The following CFAP57 variants were observed in gnomAD, a reference collection of about 807,000 sequenced individuals.
CFAP57 encodes cilia- and flagella-associated protein 57.
A neutral mutation model predicts 146.8 loss-of-function variants in CFAP57; 116 were observed. The ratio of observed to expected loss-of-function variants is 0.79; its 90% CI spans 0.68 to 0.92. The LOEUF (loss-of-function observed/expected upper bound fraction) is 0.92, where lower values mean the gene tolerates loss of function less well. Among genes scored for constraint, CFAP57 ranks in the 40% least tolerant of loss-of-function variants. The pLI is 0.00. For synonymous variants in CFAP57, 518 were observed against 552.8 expected, an observed-to-expected ratio of 0.94 and a Z score of 0.88; for missense variants, 1,377 against 1,527.2, an observed-to-expected ratio of 0.90 and a Z score of 1.64.
intron 21 of CFAP57, 54 bp from the exon 22 acceptor site, chr1:43,243,173 G>A: frequency 6.5e-7 from 1 of 1,538,450 alleles, no homozygotes; most frequent in Non-Finnish European, 8.8e-7. Context: ...TATGCCTTGT[G>A]CCCACTGACC....
At chr1:43,184,000 C>T in intron 4 of CFAP57, 123 bp downstream of exon 4, 1 of 1,155,196 alleles carries the variant, frequency 8.7e-7, no homozygotes. Context: ...TGCCCATTTT[C>T]CCTCTTCCTC....
At position 43,243,284 on chromosome 1, in the gene CFAP57, C is replaced by G. The variant is rs1164534145; in HGVS notation, c.3463C>G (p.Arg1155Gly). Residue 1155 changes from arginine (R) to glycine (G), a missense_variant, in exon 22 of 23, where the codon CGG (arginine) becomes GGG (glycine). Coordinates refer to ENST00000372492, the MANE Select transcript of CFAP57 (RefSeq NM_001378189.1). ...GCTCCGCAGGGAGCTGAAGTTCACT[C>G]GGTCCCAAGTCTATGACCTTGAAGC... ...NELRRELKFT[R>G]SQVYDLEAAL... 6.5e-7 allele frequency: 1 copy of G among 1,550,044 alleles called. No homozygotes were observed. The highest frequency in any genetic ancestry group is 8.7e-7 in the Non-Finnish European group (1 of 1,146,656).
intron 18 of CFAP57, among the ~76,000 whole-genome samples, chr1:43,230,829 T>A (rs1429933116): frequency 6.6e-6 from 1 of 152,220 alleles, no homozygotes; most frequent in African/African-American, 2.4e-5. Context: ...TTTACTTCTT[T>A]CTTATCCTTG....
rs1377413286 is a variant in CFAP57, at chr1:43,199,501, A to G, written c.1540A>G (p.Lys514Glu). The G allele has an allele frequency of 6.2e-7, 1 of 1,614,030 alleles. No homozygotes were observed. Among genetic ancestry groups the G allele is most frequent in the Non-Finnish European group, 8.5e-7 (1 of 1,180,012 alleles). ...NISSLKGHTG[K>E]IRSIVWNADD... ...CTCAAGCCTGAAAGGACACACAGGG[A>G]AGGTAAGTGAGTGAACAGTCTCTGG... The change falls in exon 9 of 23, where the codon AAG (lysine) becomes GAG (glutamate). Residue 514 changes from lysine to glutamate, a missense_variant and splice_region_variant. Transcript: ENST00000372492.
chr1:43,237,515 T>A (rs1022475325), intron 21 of CFAP57, among the ~76,000 whole-genome samples: 12 of 152,142 alleles, frequency 7.9e-5, no homozygotes, highest in Non-Finnish European at 1.6e-4. Flanking sequence ...GCTCAACTCA[T>A]TGTATGCAGT....
At chr1:43,174,835 A>G (rs1645109847) in intron 2 of CFAP57, among the ~76,000 whole-genome samples, 2 of 152,182 alleles carry the variant, frequency 1.3e-5, no homozygotes, top group South Asian at 4.1e-4. Context: ...AATAAAAAAG[A>G]TCATATGACT....
At chr1:43,225,568 C>T (rs1346981964) in intron 17 of CFAP57, among the ~76,000 whole-genome samples, 1 of 152,212 alleles carries the variant, frequency 6.6e-6, no homozygotes, top group Non-Finnish European at 1.5e-5. Context: ...CCCTCACCTC[C>T]CTCCTCTATT....
At chr1:43,194,262 TA>T in intron 6 of CFAP57, among the ~76,000 whole-genome samples, 1 of 152,174 alleles carries the variant, frequency 6.6e-6, no homozygotes, top group South Asian at 2.1e-4. Flanking sequence ...TTGAACATGT[TA>T]TCCCATTCTC....
At chr1:43,230,904 A>G (rs1645440420) in intron 18 of CFAP57, among the ~76,000 whole-genome samples, 1 of 152,184 alleles carries the variant, frequency 6.6e-6, no homozygotes, top group South Asian at 2.1e-4. Flanking sequence ...TAAGTCTACA[A>G]CAAGCTGGGC....
Position 43,232,593 on chromosome 1 carries a change from C to T in CFAP57, c.3095C>T (p.Thr1032Ile), listed in dbSNP as rs1380837670. The change falls in exon 19 of 23, where the codon ACC (threonine) becomes ATC (isoleucine). Residue 1032 changes from threonine to isoleucine, a missense_variant. Coordinates refer to ENST00000372492, the MANE Select transcript of CFAP57 (RefSeq NM_001378189.1). ...ITELWQKLRA[T>I]DQEMRRERQK... is the part of the protein sequence containing the mutation. ...GAATTGTGGCAGAAACTGAGAGCCA[C>T]CGATCAGGAGATGCGCAGAGAGAGA... The T allele has an allele frequency of 1.3e-6, 2 of 1,548,580 alleles. No homozygotes were observed. The highest frequency in any genetic ancestry group is 1.7e-6 in the Non-Finnish European group (2 of 1,145,490).
At chr1:43,176,952 T>G (rs1479376348) in intron 2 of CFAP57, among the ~76,000 whole-genome samples, 2 of 151,220 alleles carry the variant, frequency 1.3e-5, no homozygotes, top group African/African-American at 4.9e-5. Context: ...GGGAGGCCAG[T>G]GTGGCTGGAG....
At chr1:43,243,195 C>T in intron 21 of CFAP57, 32 bp from the exon 22 acceptor site, 2 of 1,547,316 alleles carry the variant, frequency 1.3e-6, no homozygotes, top group Non-Finnish European at 1.7e-6. Flanking sequence ...CTCATCCATC[C>T]ACCCTCCCTC....
At chr1:43,253,718 C>T (rs1283669355) in intron 22 of CFAP57, among the ~76,000 whole-genome samples, 3 of 151,728 alleles carry the variant, frequency 2.0e-5, no homozygotes, top group East Asian at 1.9e-4. Context: ...TCTGTGCAGG[C>T]GGATCTGGGG....
In CFAP57 at chr1:43,209,757, AT is replaced by A. The variant is rs1216745291; in HGVS notation, c.1771del (p.Ser591ArgfsTer18). ...IADSLILREISAFDVTYTAIV... is the reference protein window; with the variant it reads ...IADSLILREIXAFDVTYTAIV... ...CTGTGTCTCAGATCCTTCGAGAGAT[AT>A]CGGCGTTTGATGTCACCTACACCGC... On this transcript the variant is annotated frameshift_variant, in exon 11 of 23. Transcript: ENST00000372492. LOFTEE classifies it high-confidence loss of function. 2 of 1,614,038 alleles carry A rather than the reference AT, an allele frequency of 1.2e-6. No homozygotes were observed. Among genetic ancestry groups the A allele is most frequent in the Admixed American group, 3.3e-5 (2 of 60,012 alleles).
intron 18 of CFAP57, among the ~76,000 whole-genome samples, chr1:43,228,856 G>T (rs1645358705): frequency 6.7e-6 from 1 of 149,294 alleles, no homozygotes; most frequent in South Asian, 2.2e-4. Flanking sequence ...GTCCAGGCCT[G>T]TTCCTCATAG....
chr1:43,210,589 G>A (rs1644560298), intron 11 of CFAP57: 1 of 235,888 alleles, frequency 4.2e-6, no homozygotes. Context: ...GATAAGTACA[G>A]TGTGATTCCA....
In CFAP57 at chr1:43,235,594, C is replaced by G. The variant is rs1011928506; in HGVS notation, c.3405+956C>G. 2.0e-5 allele frequency among the ~76,000 whole-genome samples: 3 copies of G among 152,166 alleles called. No homozygotes were observed. In the South Asian group the frequency reaches 6.2e-4, roughly 32 times the overall value. Reference sequence around the variant, plus strand: ...GCAGGGCTGGTCTCATGTCATCTTACGACCAGTCCCTGCTGAAAAGCAGCC... The same window carrying G: ...GCAGGGCTGGTCTCATGTCATCTTAGGACCAGTCCCTGCTGAAAAGCAGCC... On this transcript the variant is annotated intron_variant, in intron 21 of 22. Transcript: ENST00000372492.
intron 12 of CFAP57, among the ~76,000 whole-genome samples, chr1:43,216,275 G>T (rs989175328): frequency 4.6e-5 from 7 of 152,116 alleles, no homozygotes; most frequent in Admixed American, 4.6e-4. Context: ...AACAAGTAAA[G>T]CCATCAGAGC....
In CFAP57 at chr1:43,215,178, C is replaced by A. The variant is rs971692394; in HGVS notation, c.1930-77C>A. 10 of 1,521,054 alleles carry A rather than the reference C, an allele frequency of 6.6e-6. No individual in the cohort carries two copies. The African/African-American group carries it at 8.3e-5, about 13-fold the overall frequency. 94.2% of individuals were successfully genotyped at this position (1,521,054 alleles called of 1,614,324 possible). A position where few individuals can be genotyped will look rare whatever the true frequency, so the allele number is the denominator to read the frequency against. ...GTGCCCAGGATTGCATGGGGGGAAG[C>A]CTTGCGCAACAGCTGGCTCAGCCCT... On this transcript the variant is annotated intron_variant, in intron 11 of 22. Coordinates refer to ENST00000372492, the MANE Select transcript of CFAP57 (RefSeq NM_001378189.1).
Sources: gnomAD v4.1 joint callset for allele counts (sites outside exome capture counted in the v4.1 genomes callset) on GRCh38, gnomAD v4.1.1 for gene constraint, MANE v1.5 for transcripts, NCBI Gene and HGNC (gene_info 2026-07-23, HGNC 2026-07-21) for gene names.